The following FAM184A variants were observed in gnomAD, a reference collection of about 807,000 sequenced individuals.
FAM184A encodes family with sequence similarity 184 member A.
A neutral mutation model predicts 143.8 loss-of-function variants in FAM184A; 99 were observed. That is an observed-to-expected ratio of 0.69 (90% CI 0.58 to 0.81). The LOEUF (loss-of-function observed/expected upper bound fraction) is 0.81. FAM184A is among the 40% of genes least tolerant of loss of function. The pLI is 0.00. For synonymous variants in FAM184A, 427 were observed against 446.4 expected, an observed-to-expected ratio of 0.96 and a Z score of 0.55; for missense variants, 1,217 against 1,310.5, an observed-to-expected ratio of 0.93 and a Z score of 1.10.
intron 3 of FAM184A, among the ~76,000 whole-genome samples, chr6:119,022,379 C>A (rs1013489990): frequency 2.0e-5 from 3 of 151,880 alleles, no homozygotes; most frequent in African/African-American, 7.3e-5. Flanking sequence ...TTAGTGACTA[C>A]TTTATTGGTA....
intron 13 of FAM184A, 149 bp downstream of exon 13, chr6:118,974,875 A>G: frequency 3.2e-6 from 2 of 618,192 alleles, no homozygotes; most frequent in Non-Finnish European, 5.6e-6. Flanking sequence ...TCTAGATTAT[A>G]ACATAGTCAT....
chr6:119,030,828 A>G (rs797002), intron 1 of FAM184A, among the ~76,000 whole-genome samples: 141,300 of 151,974 alleles, frequency 0.93, 65,857 homozygotes, highest in Non-Finnish European at 0.96. Flanking sequence ...GACATTAAGA[A>G]ACATTTGCAC....
At chr6:119,034,041 TAG>T (rs57162948) in intron 1 of FAM184A, among the ~76,000 whole-genome samples, 188 of 41,976 alleles carry the variant, frequency 4.5e-3, no homozygotes, top group Middle Eastern at 0.019. Context: ...TATATATATA[TAG>T]AGAGAGAGAG....
intron 1 of FAM184A, among the ~76,000 whole-genome samples, chr6:119,139,961 A>C (rs1037851925): frequency 6.6e-6 from 1 of 152,128 alleles, no homozygotes. Flanking sequence ...ATCTGTGCTC[A>C]CTCCCCAGCT....
intron 1 of FAM184A, among the ~76,000 whole-genome samples, chr6:119,037,317 T>G (rs952769995): frequency 6.6e-6 from 1 of 152,166 alleles, no homozygotes; most frequent in African/African-American, 2.4e-5. Flanking sequence ...GAGGGGTTTT[T>G]TTGTTGTTGT....
At chr6:119,130,167 A>G (rs706981) in intron 1 of FAM184A, among the ~76,000 whole-genome samples, 49,249 of 152,098 alleles carry the variant, frequency 0.32, 8,152 homozygotes, top group East Asian at 0.46. Context: ...AACAACTTCA[A>G]CTGTTAAGCA....
At chr6:119,144,171 C>A (rs371657890) in intron 1 of FAM184A, among the ~76,000 whole-genome samples, 17 of 144,282 alleles carry the variant, frequency 1.2e-4, no homozygotes, top group Admixed American at 2.1e-4. Context: ...ACTAAAAATA[C>A]AAAAAAAAAA....
rs147485377 is a variant in FAM184A at position 119,036,198 on chromosome 6, T to C, written c.160-11385A>G. On this transcript the variant is annotated intron_variant, in intron 1 of 17. Transcript: ENST00000338891. Reference sequence around the variant, plus strand: ...CCCCATAAATGATTCACGTCTTTTTTTCCCCTCGGTCCAGTGTCTTTTTTT... The same window carrying C: ...CCCCATAAATGATTCACGTCTTTTTCTCCCCTCGGTCCAGTGTCTTTTTTT... Among the ~76,000 whole-genome samples the C allele has an allele frequency of 4.9e-5, 6 of 123,350 alleles. No individual in the cohort carries two copies. In the East Asian group the frequency reaches 1.4e-3, roughly 28 times the overall value. 80.9% of individuals were successfully genotyped at this position (123,350 alleles called of 152,430 possible).
chr6:119,142,633 G>A (rs1177765817), intron 1 of FAM184A, among the ~76,000 whole-genome samples: 3 of 152,174 alleles, frequency 2.0e-5, no homozygotes, highest in East Asian at 3.8e-4. Context: ...TGTCAGTTTA[G>A]CCATGTCCAT....
chr6:119,015,298 TC>T (rs1255327727), intron 5 of FAM184A, among the ~76,000 whole-genome samples: 2 of 151,858 alleles, frequency 1.3e-5, no homozygotes, highest in Admixed American at 1.3e-4. Context: ...CAGAGCCGGC[TC>T]CCTCAACTTG....
intron 1 of FAM184A, among the ~76,000 whole-genome samples, chr6:119,055,969 A>G (rs1786958005): frequency 6.6e-6 from 1 of 152,186 alleles, no homozygotes; most frequent in Admixed American, 6.5e-5. Flanking sequence ...CACATGCAGA[A>G]GAGTTTAGAT....
intron 14 of FAM184A, among the ~76,000 whole-genome samples, chr6:118,969,043 G>C (rs1372308143): frequency 5.3e-5 from 8 of 152,156 alleles, no homozygotes; most frequent in African/African-American, 1.9e-4. Context: ...AATCATGGGG[G>C]CAGTTATCCC....
intron 6 of FAM184A, among the ~76,000 whole-genome samples, chr6:119,009,306 C>T (rs1785020928): frequency 6.6e-6 from 1 of 152,034 alleles, no homozygotes; most frequent in South Asian, 2.1e-4. Context: ...CCCACAATTC[C>T]CATATGTTGA....
chr6:119,136,432 TGA>T, intron 1 of FAM184A, among the ~76,000 whole-genome samples: 1 of 152,158 alleles, frequency 6.6e-6, no homozygotes, highest in Non-Finnish European at 1.5e-5. Flanking sequence ...AGTTGCATAA[TGA>T]TATCAAGATA....
At position 118,975,193 on chromosome 6, in the gene FAM184A, A is replaced by AT; in HGVS notation, c.2598dup (p.Cys867MetfsTer2). 1.3e-6 allele frequency: 2 copies of AT among 1,593,216 alleles called. No homozygotes were observed. The highest frequency in any genetic ancestry group is 1.7e-6 in the Non-Finnish European group (2 of 1,171,004). On this transcript the variant is annotated frameshift_variant, in exon 13 of 18. Coordinates refer to ENST00000338891, the MANE Select transcript of FAM184A (RefSeq NM_024581.6). LOFTEE classifies it high-confidence loss of function. ...TCCTCTTGTAGATCTGTAATTCTAC[A>AT]TATGTGCTCCTTACTCTGTTAAAAA...
At chr6:119,034,433 C>G (rs1786028606) in intron 1 of FAM184A, among the ~76,000 whole-genome samples, 1 of 151,984 alleles carries the variant, frequency 6.6e-6, no homozygotes, top group South Asian at 2.1e-4. Context: ...TTATCTAACA[C>G]AGAGCCTATA....
At chr6:118,970,196 G>GT (rs1436608894) in intron 14 of FAM184A, among the ~76,000 whole-genome samples, 1 of 150,024 alleles carries the variant, frequency 6.7e-6, no homozygotes. Flanking sequence ...TAGAGACGGG[G>GT]TTTTACCATG....
At chr6:119,072,007 ACCC>A (rs920802589) in intron 1 of FAM184A, among the ~76,000 whole-genome samples, 2 of 151,582 alleles carry the variant, frequency 1.3e-5, no homozygotes, top group African/African-American at 4.8e-5. Flanking sequence ...GATTACAAGC[ACCC>A]ACCACCACAC....
chr6:119,127,656 G>A (rs1011068424), intron 1 of FAM184A, among the ~76,000 whole-genome samples: 5 of 152,296 alleles, frequency 3.3e-5, no homozygotes, highest in African/African-American at 1.2e-4. Flanking sequence ...TACCAGGTAG[G>A]AAAGCAGGAG....
Sources: gnomAD v4.1 joint callset for allele counts (sites outside exome capture counted in the v4.1 genomes callset) on GRCh38, gnomAD v4.1.1 for gene constraint, MANE v1.5 for transcripts, NCBI Gene and HGNC (gene_info 2026-07-23, HGNC 2026-07-21) for gene names.